Variants in EML6 observed in about 807,000 individuals in gnomAD.
EML6 encodes the protein EMAP like 6.
In EML6, 154 loss-of-function variants were observed where a neutral mutation model predicts 240.1. The observed-to-expected ratio is 0.64, with a 90% CI of 0.56 to 0.73. EML6 has a LOEUF of 0.73. EML6 is among the 30% of genes least tolerant of loss of function. The pLI is 0.00. For missense variants in EML6, 2,964 were observed against 2,474.6 expected, an observed-to-expected ratio of 1.20 and a Z score of -4.20; for synonymous variants, 1,148 against 899.0, an observed-to-expected ratio of 1.28 and a Z score of -4.95.
chr2:54,800,706 C>A (rs1318539155), intron 2 of EML6, among the ~76,000 whole-genome samples: 1 of 152,048 alleles, frequency 6.6e-6, no homozygotes, highest in Non-Finnish European at 1.5e-5. Context: ...ATGGATGAAC[C>A]ACCATTCTGG....
intron 24 of EML6, among the ~76,000 whole-genome samples, chr2:54,909,974 A>C (rs181717776): frequency 5.9e-5 from 9 of 152,292 alleles, no homozygotes; most frequent in Admixed American, 3.9e-4. Context: ...TTTTCTAAGA[A>C]AGATATTTCA....
chr2:54,831,680 T>C (rs975033425), intron 7 of EML6, among the ~76,000 whole-genome samples: 5 of 152,336 alleles, frequency 3.3e-5, no homozygotes, highest in African/African-American at 1.2e-4. Flanking sequence ...GTGTGCATCT[T>C]AGATGGCTTA....
chr2:54,903,626 T>C (rs1033432094), intron 24 of EML6, 124 bp downstream of exon 24: 2 of 563,670 alleles, frequency 3.5e-6, no homozygotes, highest in South Asian at 2.4e-5. Flanking sequence ...CACAACAATA[T>C]AAACGACTGT....
At chr2:54,826,239 G>A (rs1668586569) in intron 5 of EML6, among the ~76,000 whole-genome samples, 1 of 152,148 alleles carries the variant, frequency 6.6e-6, no homozygotes, top group Admixed American at 6.5e-5. Flanking sequence ...GCCTATTAAA[G>A]GTTTTGATAG....
chr2:54,947,717 G>A (rs1675759789), intron 28 of EML6, among the ~76,000 whole-genome samples: 1 of 152,186 alleles, frequency 6.6e-6, no homozygotes, highest in Admixed American at 6.5e-5. Context: ...GTAAAGTCAC[G>A]GAGAGTGTGC....
chr2:54,970,039 A>G (rs1454322461), intron 41 of EML6, 32 bp from the exon 42 acceptor site: 51 of 1,551,410 alleles, frequency 3.3e-5, no homozygotes, highest in Non-Finnish European at 4.4e-5. Flanking sequence ...ATGTCCAGCT[A>G]TGCAAAATGA....
At chr2:54,893,199 C>G (rs1573087651) in intron 19 of EML6, among the ~76,000 whole-genome samples, 1 of 152,154 alleles carries the variant, frequency 6.6e-6, no homozygotes, top group African/African-American at 2.4e-5. Flanking sequence ...GTCTACTTGC[C>G]TTGCAGTGTC....
intron 25 of EML6, among the ~76,000 whole-genome samples, chr2:54,911,838 C>T (rs940010686): frequency 1.3e-5 from 2 of 152,212 alleles, no homozygotes; most frequent in African/African-American, 4.8e-5. Context: ...TAGCTACATA[C>T]ACGATTTTTT....
At chr2:54,892,312 CATG>C in intron 18 of EML6, 139 bp from the exon 19 acceptor site, 1 of 625,226 alleles carries the variant, frequency 1.6e-6, no homozygotes, top group Non-Finnish European at 2.9e-6. Flanking sequence ...TATTTTTGTT[CATG>C]ATGTTCTCTG....
intron 2 of EML6, among the ~76,000 whole-genome samples, chr2:54,793,326 T>C (rs764079149): frequency 6.9e-6 from 1 of 144,350 alleles, no homozygotes; most frequent in Non-Finnish European, 1.5e-5. Context: ...AACCAAGTCA[T>C]AAAACACGGA....
chr2:54,727,104 G>A (rs1014431904), intron 2 of EML6, among the ~76,000 whole-genome samples: 2 of 152,194 alleles, frequency 1.3e-5, no homozygotes, highest in Non-Finnish European at 2.9e-5. Flanking sequence ...GGGTGGTTAA[G>A]GAAACATTCA....
intron 14 of EML6, chr2:54,868,576 G>A (rs1041339589): frequency 6.6e-6 from 1 of 152,192 alleles, no homozygotes; most frequent in African/African-American, 2.4e-5. Flanking sequence ...GGCCAAAAAA[G>A]TCATATTTGA....
intron 2 of EML6, among the ~76,000 whole-genome samples, chr2:54,786,288 CTCTTA>C (rs1176718110): frequency 6.6e-6 from 1 of 152,092 alleles, no homozygotes; most frequent in Non-Finnish European, 1.5e-5. Flanking sequence ...TTTTTTGCTA[CTCTTA>C]TCTTAAACAC....
At position 54,724,905 on chromosome 2, in the gene EML6, T is replaced by G. The variant is rs1682833630; in HGVS notation, c.-157T>G. The G allele has an allele frequency of 2.4e-6, 1 of 424,832 alleles. No homozygotes were observed. The highest frequency in any genetic ancestry group is 3.5e-6 in the Non-Finnish European group (1 of 286,836). 26.3% of individuals were successfully genotyped at this position (424,832 alleles called of 1,614,324 possible). A position where few individuals can be genotyped will look rare whatever the true frequency, so the allele number is the denominator to read the frequency against. ...TGTCTGCGGCGGCTGCAGCGGATGA[T>G]GGTGGCGGCCGGCCCGCTGGGCTGT... is the stretch of plus-strand genomic sequence containing the variant. On this transcript the variant is annotated 5_prime_UTR_variant, in exon 2 of 42. It removes an upstream start codon present in the reference 5' UTR. Transcript: ENST00000356458. This position sits in a 1 kb window ranked among gnomAD's most constrained non-coding sequence, Gnocchi z 5.2.
intron 2 of EML6, among the ~76,000 whole-genome samples, chr2:54,769,086 A>G (rs2103795515): frequency 6.6e-6 from 1 of 152,286 alleles, no homozygotes; most frequent in South Asian, 2.1e-4. Context: ...TCAAAATACA[A>G]TGTACAGATA....
intron 11 of EML6, among the ~76,000 whole-genome samples, chr2:54,856,528 C>T (rs995846500): frequency 6.6e-6 from 1 of 152,180 alleles, no homozygotes; most frequent in Non-Finnish European, 1.5e-5. Flanking sequence ...GATGAGTGTC[C>T]TGAATGTTAA....
chr2:54,789,681 A>G (rs1018572350), intron 2 of EML6, among the ~76,000 whole-genome samples: 2 of 152,034 alleles, frequency 1.3e-5, no homozygotes, highest in Non-Finnish European at 2.9e-5. Context: ...TGCTTTACAA[A>G]CTCTACCTTA....
intron 2 of EML6, among the ~76,000 whole-genome samples, chr2:54,748,187 T>G (rs1684005240): frequency 6.6e-6 from 1 of 152,216 alleles, no homozygotes; most frequent in Non-Finnish European, 1.5e-5. Flanking sequence ...TAGGAAATTA[T>G]CAAAACTATG....
chr2:54,929,180 C>A lies in EML6; in HGVS notation c.4004+429C>A, dbSNP rs554758918. Among the ~76,000 whole-genome samples the A allele has an allele frequency of 3.9e-5, 6 of 152,346 alleles. No individual in the cohort carries two copies. In the South Asian group the frequency reaches 1.2e-3, roughly 32 times the overall value. ...AACCATCTTCCATTCTAACCAGAAT[C>A]TGTGCCTTATACTCCATTCACTTGG... On this transcript the variant is annotated intron_variant, in intron 28 of 41. Transcript: ENST00000356458.
Sources: allele counts gnomAD v4.1 joint callset (sites outside exome capture counted in the v4.1 genomes callset), GRCh38; gene constraint gnomAD v4.1.1; non-coding constraint Gnocchi (gnomAD v3.1); transcripts MANE v1.5; gene names NCBI Gene and HGNC (gene_info 2026-07-23, HGNC 2026-07-21).